The following ACYP2 variants were observed in gnomAD, a reference collection of about 807,000 sequenced individuals.
ACYP2 encodes the protein acylphosphatase 2, also known as acylphosphatase-2.
ACYP2 carries 12 observed loss-of-function variants against 11.2 expected under a neutral mutation model. That is an observed-to-expected ratio of 1.08 (90% CI 0.69 to 1.74). The LOEUF is 1.74. ACYP2 is among the 40% of genes most tolerant of loss of function. ACYP2 has a pLI of 0.00. For synonymous variants in ACYP2, 43 were observed against 32.2 expected, an observed-to-expected ratio of 1.33 and a Z score of -1.13; for missense variants, 134 against 101.9, an observed-to-expected ratio of 1.31 and a Z score of -1.35.
intron 2 of ACYP2, chr2:54,029,718 C>T (rs1674481446): frequency 3.4e-6 from 2 of 582,082 alleles, no homozygotes; most frequent in African/African-American, 1.9e-5. Flanking sequence ...AGGAATCTTG[C>T]CCTTAACTTG....
At chr2:54,150,033 G>C (rs1186568425) in intron 6 of ACYP2, among the ~76,000 whole-genome samples, 1 of 152,122 alleles carries the variant, frequency 6.6e-6, no homozygotes, top group Non-Finnish European at 1.5e-5. Context: ...CTGACAACAA[G>C]TTTTCCTGTA....
At chr2:54,247,194 A>T (rs1686994004) in intron 6 of ACYP2, among the ~76,000 whole-genome samples, 1 of 151,980 alleles carries the variant, frequency 6.6e-6, no homozygotes, top group African/African-American at 2.4e-5. Context: ...AGATTTTTCC[A>T]TTTTATCCTT....
chr2:54,092,345 G>C (rs1678279900), intron 4 of ACYP2, among the ~76,000 whole-genome samples: 1 of 152,134 alleles, frequency 6.6e-6, no homozygotes, highest in African/African-American at 2.4e-5. Context: ...CTTCATGGTG[G>C]GACAGAGAAG....
intron 2 of ACYP2, among the ~76,000 whole-genome samples, chr2:54,004,109 G>T (rs1054235808): frequency 6.6e-6 from 1 of 151,782 alleles, no homozygotes; most frequent in South Asian, 2.1e-4. Flanking sequence ...TCAGCCTCCC[G>T]AGCAGCTGGG....
chr2:54,248,729 C>A lies in ACYP2; in HGVS notation c.405-55959C>A, dbSNP rs11125529. 0.15 allele frequency among the ~76,000 whole-genome samples: 22,076 copies of A among 152,126 alleles called. 1,611 individuals carry two copies. The highest frequency in any genetic ancestry group is 0.18 in the African/African-American group (7,555 of 41,496). ...GAAGAAAAGAAGATGACTAAAACAT[C>A]ATCTTGGCCCTTGAAGAACTTAAAA... On this transcript the variant is annotated intron_variant, in intron 6 of 6. Transcript: ENST00000607452.
At chr2:53,980,559 A>G (rs888480244) in intron 2 of ACYP2, among the ~76,000 whole-genome samples, 8 of 152,098 alleles carry the variant, frequency 5.3e-5, no homozygotes, top group African/African-American at 1.7e-4. Context: ...TCTATAAAAA[A>G]TAAAAAAATA....
chr2:54,221,656 G>T (rs1572955421), intron 6 of ACYP2, among the ~76,000 whole-genome samples: 2 of 151,894 alleles, frequency 1.3e-5, no homozygotes, highest in Middle Eastern at 6.8e-3. Flanking sequence ...GAGTAGGTGG[G>T]ATTACAGGTG....
chr2:53,994,840 G>C (rs1218233172), intron 2 of ACYP2, among the ~76,000 whole-genome samples: 1 of 152,070 alleles, frequency 6.6e-6, no homozygotes, highest in Non-Finnish European at 1.5e-5. Context: ...ATATACCTCT[G>C]GCATTACATT....
rs1351737765 is a variant in ACYP2 at position 54,284,721 on chromosome 2, C to G, written c.405-19967C>G. On this transcript the variant is annotated intron_variant, in intron 6 of 6. Coordinates refer to ENST00000607452, the MANE Select transcript of ACYP2 (RefSeq NM_001320586.2). The stretch of plus-strand genomic sequence containing the variant: ...CATCTCCTTGATAAAGCTATGTTGA[C>G]TGTTTCTTCTTTCTCACCCACCTAT... Among the ~76,000 whole-genome samples, 3 of 152,262 alleles carry G rather than the reference C, an allele frequency of 2.0e-5. No homozygotes were observed. The East Asian group carries it at 5.8e-4, about 29-fold the overall frequency.
At chr2:54,103,560 A>T (rs1679012253) in intron 4 of ACYP2, among the ~76,000 whole-genome samples, 1 of 152,072 alleles carries the variant, frequency 6.6e-6, no homozygotes, top group Non-Finnish European at 1.5e-5. Context: ...TTATGCTTTT[A>T]CTCATCCTCA....
chr2:54,029,882 A>G (rs1573557341), intron 2 of ACYP2: 1 of 264,956 alleles, frequency 3.8e-6, no homozygotes, highest in Middle Eastern at 1.2e-3. Context: ...CCCAGAACCA[A>G]GCCGGGTCCG....
intron 2 of ACYP2, among the ~76,000 whole-genome samples, chr2:54,049,216 G>A (rs1350587818): frequency 6.6e-6 from 1 of 152,008 alleles, no homozygotes; most frequent in Non-Finnish European, 1.5e-5. Context: ...AGCCAAGATC[G>A]CGTCACTGCA....
intron 6 of ACYP2, among the ~76,000 whole-genome samples, chr2:54,214,599 G>C (rs1315592763): frequency 6.6e-6 from 1 of 152,184 alleles, no homozygotes; most frequent in Non-Finnish European, 1.5e-5. Context: ...ATTGGTCTAT[G>C]TGTCTGTTTT....
At chr2:54,254,669 T>G in intron 6 of ACYP2, 1 of 494,276 alleles carries the variant, frequency 2.0e-6, no homozygotes, top group Non-Finnish European at 3.6e-6. Context: ...TTCGCTTCGC[T>G]TAGAAGGATG....
Position 53,997,864 on chromosome 2 carries a change from T to C in ACYP2, c.62+24054T>C, listed in dbSNP as rs554948016. 2.6e-5 allele frequency among the ~76,000 whole-genome samples: 4 copies of C among 152,244 alleles called. No homozygotes were observed. The South Asian group carries it at 8.3e-4, about 32-fold the overall frequency. On this transcript the variant is annotated intron_variant, in intron 2 of 6. Transcript: ENST00000607452. ...TGAAAAAACACTCCATGTGACTGTT[T>C]CACGGAAATGAATGACCCTCTTCCT...
At chr2:53,992,405 A>G (rs1672344765) in intron 2 of ACYP2, among the ~76,000 whole-genome samples, 1 of 152,202 alleles carries the variant, frequency 6.6e-6, no homozygotes, top group Non-Finnish European at 1.5e-5. Context: ...TGAATGGACT[A>G]TAGATTATAA....
intron 6 of ACYP2, among the ~76,000 whole-genome samples, chr2:54,270,167 T>A (rs911604500): frequency 6.6e-6 from 1 of 152,164 alleles, no homozygotes; most frequent in Non-Finnish European, 1.5e-5. Flanking sequence ...GTTTCCCTTC[T>A]TGTGTGTTTC....
At chr2:54,262,465 A>T (rs894140459) in intron 6 of ACYP2, among the ~76,000 whole-genome samples, 3 of 152,266 alleles carry the variant, frequency 2.0e-5, no homozygotes, top group Non-Finnish European at 2.9e-5. Flanking sequence ...TTAGATAAAA[A>T]TTTTTAAGTA....
chr2:54,262,716 CT>C lies in ACYP2; in HGVS notation c.405-41961del, dbSNP rs772689841. ...TTTTAGGATAATCTCTCTGTGATTA[CT>C]TTTTTTTTTTAGAAATAACTTTTTA... On this transcript the variant is annotated intron_variant, in intron 6 of 6. Coordinates refer to ENST00000607452, the MANE Select transcript of ACYP2 (RefSeq NM_001320586.2). Among the ~76,000 whole-genome samples, 964 of 146,182 alleles carry C rather than the reference CT, an allele frequency of 6.6e-3. 13 individuals carry two copies. The highest frequency in any genetic ancestry group is 0.022 in the African/African-American group (878 of 40,118).
Sources: allele counts gnomAD v4.1 joint callset (sites outside exome capture counted in the v4.1 genomes callset), GRCh38; gene constraint gnomAD v4.1.1; transcripts MANE v1.5; gene names NCBI Gene and HGNC (gene_info 2026-07-23, HGNC 2026-07-21).